OPRM1: variants seen among roughly 807,000 people sequenced by gnomAD.
OPRM1 encodes the protein mu-type opioid receptor.
A neutral mutation model predicts 31.8 loss-of-function variants in OPRM1; 27 were observed. That is an observed-to-expected ratio of 0.85 (90% CI 0.63 to 1.17). The LOEUF is 1.17. OPRM1 is among the 50% of genes most tolerant of loss of function. The pLI is 0.00. For missense variants in OPRM1, 536 were observed against 511.1 expected (o/e 1.05, Z -0.47); for synonymous variants, 196 against 189.9 (o/e 1.03, Z -0.26).
intron 3 of OPRM1, among the ~76,000 whole-genome samples, chr6:154,181,917 G>C (rs1398008818): frequency 6.6e-6 from 1 of 152,124 alleles, no homozygotes; most frequent in African/African-American, 2.4e-5. Flanking sequence ...ATTAAACAGA[G>C]GTATGAGTGC....
chr6:154,090,280 C>A, intron 2 of OPRM1, 102 bp downstream of exon 2: 1 of 727,342 alleles, frequency 1.4e-6, no homozygotes, highest in Non-Finnish European at 2.3e-6. Context: ...TTGTCTTAGT[C>A]ACATTGTAAT....
intron 3 of OPRM1, among the ~76,000 whole-genome samples, chr6:154,140,182 C>T (rs1798160559): frequency 6.6e-6 from 1 of 152,158 alleles, no homozygotes; most frequent in African/African-American, 2.4e-5. Context: ...CTGTCATTAT[C>T]GCAACAAAAG....
chr6:154,109,279 C>T (rs986736611), intron 3 of OPRM1, among the ~76,000 whole-genome samples: 12 of 152,058 alleles, frequency 7.9e-5, no homozygotes, highest in South Asian at 6.2e-4. Context: ...CAACATAGCC[C>T]GACTTATTAA....
intron 3 of OPRM1, chr6:154,158,638 T>G (rs2128545145): frequency 6.6e-6 from 1 of 152,266 alleles, no homozygotes; most frequent in Admixed American, 6.5e-5. Flanking sequence ...TCCCACAAGA[T>G]TTCCTGAGCA....
intron 3 of OPRM1, among the ~76,000 whole-genome samples, chr6:154,179,652 C>G (rs1029188156): frequency 3.0e-4 from 46 of 152,170 alleles, no homozygotes; most frequent in Admixed American, 1.3e-4. Context: ...ACTTTAAAGT[C>G]TGTCTTATCT....
At chr6:154,158,932 A>T (rs1798820874) in intron 3 of OPRM1, 1 of 152,132 alleles carries the variant, frequency 6.6e-6, no homozygotes, top group Non-Finnish European at 1.5e-5. Context: ...TTGAGTAAAG[A>T]TATTAAAACA....
chr6:154,225,146 C>A (rs560167556), intron 3 of OPRM1, among the ~76,000 whole-genome samples: 1 of 152,162 alleles, frequency 6.6e-6, no homozygotes, highest in East Asian at 1.9e-4. Context: ...GTCAAGTATC[C>A]CAAATCTGAA....
intron 3 of OPRM1, among the ~76,000 whole-genome samples, chr6:154,245,947 G>A (rs764240039): frequency 6.6e-6 from 1 of 152,122 alleles, no homozygotes. Flanking sequence ...ACAGTATACC[G>A]ACTTTTTAAG....
intron 3 of OPRM1, among the ~76,000 whole-genome samples, chr6:154,208,530 G>A (rs531859208): frequency 6.6e-6 from 1 of 152,276 alleles, no homozygotes; most frequent in East Asian, 1.9e-4. Flanking sequence ...CCCTCAACTA[G>A]AGGTTTGGCT....
At chr6:154,093,662 C>T (rs767845468) in intron 3 of OPRM1, 2 of 876,698 alleles carry the variant, frequency 2.3e-6, no homozygotes, top group Admixed American at 3.4e-5. Flanking sequence ...TGTAAGATAA[C>T]AGCAGAAACA....
At chr6:154,018,505 C>CTTTTTTTTTTTTTTTT (rs747320275) in intron 1 of OPRM1, among the ~76,000 whole-genome samples, 2 of 141,220 alleles carry the variant, frequency 1.4e-5, no homozygotes, top group Non-Finnish European at 1.5e-5. Flanking sequence ...CCCGTTAATT[C>CTTTTTTTTTTTTTTTT]TTTTTTTTTT....
At chr6:154,013,928 T>C (rs918563175) in intron 1 of OPRM1, among the ~76,000 whole-genome samples, 16 of 152,144 alleles carry the variant, frequency 1.1e-4, no homozygotes, top group Admixed American at 5.2e-4. Context: ...GAAAGTCATA[T>C]TGTTGATCCT....
chr6:154,026,167 TC>T (rs1205376221), intron 1 of OPRM1, among the ~76,000 whole-genome samples: 1 of 152,126 alleles, frequency 6.6e-6, no homozygotes, highest in Non-Finnish European at 1.5e-5. Context: ...TCTGGGAAAG[TC>T]TTTATTTCTC....
intron 1 of OPRM1, among the ~76,000 whole-genome samples, chr6:154,026,354 T>C (rs1248478607): frequency 1.3e-5 from 2 of 152,130 alleles, no homozygotes; most frequent in Non-Finnish European, 1.5e-5. Flanking sequence ...ATTGCTGCTT[T>C]TAGGATCCTT....
At chr6:154,112,275 G>A (rs1796443980) in intron 3 of OPRM1, among the ~76,000 whole-genome samples, 1 of 152,202 alleles carries the variant, frequency 6.6e-6, no homozygotes, top group South Asian at 2.1e-4. Context: ...ATCTTAGCAA[G>A]CAAGTAGCTT....
intron 3 of OPRM1, among the ~76,000 whole-genome samples, chr6:154,175,718 T>C (rs1583708330): frequency 6.6e-6 from 1 of 152,174 alleles, no homozygotes; most frequent in Admixed American, 6.5e-5. Flanking sequence ...ACCAGATGGA[T>C]TCGCAGCCGA....
intron 3 of OPRM1, among the ~76,000 whole-genome samples, chr6:154,117,743 C>G (rs1797023363): frequency 6.6e-6 from 1 of 152,084 alleles, no homozygotes; most frequent in Non-Finnish European, 1.5e-5. Context: ...CAGGGACACT[C>G]CTGGCCATGA....
At chr6:154,053,875 C>T (rs766156071) in intron 1 of OPRM1, among the ~76,000 whole-genome samples, 14 of 152,186 alleles carry the variant, frequency 9.2e-5, no homozygotes, top group Non-Finnish European at 7.4e-5. Flanking sequence ...CCCAGACTCT[C>T]TTAAGCGAGA....
intron 1 of OPRM1, among the ~76,000 whole-genome samples, chr6:154,077,729 T>A (rs981511619): frequency 1.6e-4 from 25 of 151,860 alleles, no homozygotes; most frequent in Admixed American, 1.5e-3. Context: ...AGATTCCATC[T>A]AAAAAAATAA....
Sources: gnomAD v4.1 joint callset for allele counts (sites outside exome capture counted in the v4.1 genomes callset) on GRCh38, gnomAD v4.1.1 for gene constraint, MANE v1.5 for transcripts, NCBI Gene and HGNC (gene_info 2026-07-23, HGNC 2026-07-21) for gene names.